The following CYLD variants were observed in gnomAD, a reference collection of about 807,000 sequenced individuals.
The protein encoded by CYLD is ubiquitin carboxyl-terminal hydrolase CYLD.
A neutral mutation model predicts 104.5 loss-of-function variants in CYLD; 26 were observed. That is an observed-to-expected ratio of 0.25 (90% CI 0.18 to 0.35). The LOEUF (loss-of-function observed/expected upper bound fraction) is 0.35. CYLD is among the 10% of genes least tolerant of loss of function. The pLI, the probability that CYLD is intolerant of heterozygous loss-of-function variation, is 1.00. For missense variants in CYLD, 703 were observed against 1,136.1 expected (o/e 0.62, Z 5.48); for synonymous variants, 385 against 399.9 (o/e 0.96, Z 0.45).
intron 5 of CYLD, among the ~76,000 whole-genome samples, chr16:50,755,076 CAT>C (rs1966947308): frequency 9.4e-6 from 1 of 106,694 alleles, no homozygotes; most frequent in African/African-American, 3.6e-5. Flanking sequence ...GATATGTATA[CAT>C]ATACACACAT....
At chr16:50,753,204 T>C (rs370996368) in intron 4 of CYLD, among the ~76,000 whole-genome samples, 2 of 152,094 alleles carry the variant, frequency 1.3e-5, no homozygotes, top group East Asian at 3.9e-4. Flanking sequence ...AGAACCAGAG[T>C]AAAACATGTA....
intron 3 of CYLD, among the ~76,000 whole-genome samples, chr16:50,751,309 A>G (rs146016477): frequency 6.6e-6 from 1 of 152,320 alleles, no homozygotes; most frequent in East Asian, 1.9e-4. Flanking sequence ...TTAAAGTAAC[A>G]TTTTCTTTTT....
chr16:50,760,627 T>C (rs1967798512), intron 5 of CYLD, among the ~76,000 whole-genome samples: 1 of 152,218 alleles, frequency 6.6e-6, no homozygotes, highest in Non-Finnish European at 1.5e-5. Flanking sequence ...ACAGAGGTTC[T>C]TGTTTTTTAT....
intron 5 of CYLD, among the ~76,000 whole-genome samples, chr16:50,771,018 A>C (rs1053891719): frequency 1.3e-5 from 2 of 152,154 alleles, no homozygotes; most frequent in Admixed American, 1.3e-4. Context: ...TTTTGTGTCA[A>C]GTTCGACAAC....
chr16:50,798,614 G>GAA lies in CYLD; in HGVS notation c.*2121_*2122dup, dbSNP rs74757288. The GAA allele has an allele frequency of 4.5e-4, 93 of 205,770 alleles. No individual in the cohort carries two copies. The highest frequency in any genetic ancestry group is 6.5e-4 in the East Asian group (10 of 15,274). The allele number at this position is 205,770 out of a possible 1,614,324, so 12.7% of individuals were successfully genotyped here. Reference sequence around the variant, plus strand: ...TAGGTAAGACTGGATTTAACAGTTGGAAAAAAAAAAAAAAAAGGAGAGAGA... The same window carrying GAA: ...TAGGTAAGACTGGATTTAACAGTTGGAAAAAAAAAAAAAAAAAAGGAGAGAGA... On this transcript the variant is annotated 3_prime_UTR_variant, in exon 19 of 19. Coordinates refer to ENST00000427738, the MANE Select transcript of CYLD (RefSeq NM_001378743.1).
At chr16:50,789,072 T>G (rs1971157140) in intron 14 of CYLD, among the ~76,000 whole-genome samples, 1 of 152,206 alleles carries the variant, frequency 6.6e-6, no homozygotes, top group South Asian at 2.1e-4. Flanking sequence ...TGAAGAATGC[T>G]TTTAAAATAG....
At chr16:50,743,072 T>G (rs1965861986) in intron 2 of CYLD, among the ~76,000 whole-genome samples, 1 of 152,092 alleles carries the variant, frequency 6.6e-6, no homozygotes, top group Non-Finnish European at 1.5e-5. Flanking sequence ...GGCCTTGCAG[T>G]CTCCCAGCCC....
chr16:50,761,775 T>TATCTATCTATCTATCTATCTATCA (rs1348271485), intron 5 of CYLD, among the ~76,000 whole-genome samples: 14 of 152,146 alleles, frequency 9.2e-5, no homozygotes, highest in African/African-American at 3.1e-4. Flanking sequence ...TCTATCTATC[T>TATCTATCTATCTATCTATCTATCA]ATATCTTTGA....
intron 5 of CYLD, among the ~76,000 whole-genome samples, chr16:50,759,591 C>A (rs1053021336): frequency 6.6e-6 from 1 of 152,112 alleles, no homozygotes; most frequent in Non-Finnish European, 1.5e-5. Context: ...TTTTGAGATT[C>A]TTTTCTGTGG....
Position 50,796,551 on chromosome 16 carries a change from T to C in CYLD, c.*43T>C. The C allele has an allele frequency of 6.3e-7, 1 of 1,589,084 alleles. No homozygotes were observed. Among genetic ancestry groups the C allele is most frequent in the Non-Finnish European group, 8.6e-7 (1 of 1,163,648 alleles). On this transcript the variant is annotated 3_prime_UTR_variant, in exon 19 of 19. Coordinates refer to ENST00000427738, the MANE Select transcript of CYLD (RefSeq NM_001378743.1). ...GGCAAAGAAACTGAAGGCAGAGTCCTAACGTTGCATCTTATTCGAGCTGGC... is the reference window on the plus strand; with the variant it reads ...GGCAAAGAAACTGAAGGCAGAGTCCCAACGTTGCATCTTATTCGAGCTGGC...
intron 5 of CYLD, among the ~76,000 whole-genome samples, chr16:50,763,698 C>G (rs186646359): frequency 6.6e-6 from 1 of 152,258 alleles, no homozygotes; most frequent in Non-Finnish European, 1.5e-5. Flanking sequence ...CACATAATAA[C>G]AGTTTTGCCT....
rs759126135 is a variant in CYLD, at chr16:50,796,364, C to T, written c.2727C>T (p.Cys909=). Residue 909 remains cysteine, a synonymous_variant, in exon 19 of 19, where the codon TGC becomes TGT. Transcript: ENST00000427738. ...TCAACATTCCTCAAGTCACCCCATG[C>T]CCAGAAGTAGGAGAGTACTTGAAGA... The part of the protein sequence containing the change: ...NGFNIPQVTP[C]PEVGEYLKMS... 1 of 1,614,112 alleles carries T rather than the reference C, an allele frequency of 6.2e-7. No homozygotes were observed.
intron 2 of CYLD, among the ~76,000 whole-genome samples, chr16:50,743,754 A>G (rs1245146617): frequency 6.6e-6 from 1 of 152,224 alleles, no homozygotes; most frequent in Non-Finnish European, 1.5e-5. Flanking sequence ...GGCTGTAGGA[A>G]GCTAGTATCA....
intron 12 of CYLD, 95 bp downstream of exon 12, chr16:50,784,546 TAA>T: frequency 7.7e-7 from 1 of 1,303,396 alleles, no homozygotes. Context: ...CTTCATGTAA[TAA>T]GAGATGGGTG....
rs1053929228 is a variant in CYLD at position 50,799,075 on chromosome 16, G to A, written c.*2567G>A. 3.0e-5 allele frequency: 7 copies of A among 233,282 alleles called. No individual in the cohort carries two copies. The highest frequency in any genetic ancestry group is 1.5e-4 in the African/African-American group (7 of 45,328). 14.5% of individuals were successfully genotyped at this position (233,282 alleles called of 1,614,324 possible). ...TGGGGCTGGGCTGCATGGCACAGGG[G>A]CTTATGTGCCTGCTGGTTATTTAAT... On this transcript the variant is annotated 3_prime_UTR_variant, in exon 19 of 19. Transcript: ENST00000427738.
At chr16:50,787,978 G>T in intron 14 of CYLD, 126 bp downstream of exon 14, 1 of 595,202 alleles carries the variant, frequency 1.7e-6, no homozygotes, top group Non-Finnish European at 3.0e-6. Flanking sequence ...CTCTTAATAG[G>T]CTAGGGGAAT....
intron 3 of CYLD, among the ~76,000 whole-genome samples, chr16:50,750,657 C>A (rs1429359385): frequency 6.6e-6 from 1 of 152,098 alleles, no homozygotes; most frequent in Non-Finnish European, 1.5e-5. Context: ...ATGGTAGGAA[C>A]ATACAAAGAG....
At chr16:50,754,988 CATATATAT>C (rs1966872166) in intron 5 of CYLD, among the ~76,000 whole-genome samples, 5 of 27,584 alleles carry the variant, frequency 1.8e-4, no homozygotes, top group African/African-American at 8.1e-4. Context: ...TACATATATA[CATATATAT>C]GTATATATAC....
In CYLD at chr16:50,798,254, C is replaced by G. The variant is rs886052057; in HGVS notation, c.*1746C>G. The G allele has an allele frequency of 8.6e-6, 2 of 231,958 alleles. No individual in the cohort carries two copies. The highest frequency in any genetic ancestry group is 1.7e-5 in the Non-Finnish European group (2 of 117,338). The allele number at this position is 231,958 out of a possible 1,614,324, so 14.4% of individuals were successfully genotyped here. A position where few individuals can be genotyped will look rare whatever the true frequency, so the allele number is the denominator to read the frequency against. On this transcript the variant is annotated 3_prime_UTR_variant, in exon 19 of 19. Transcript: ENST00000427738. ...TAGGAATCTAAATGAAGCCAGCCCT[C>G]GGTATCTGCAGGTTTCTCATCCATG...
Sources: allele counts gnomAD v4.1 joint callset (sites outside exome capture counted in the v4.1 genomes callset), GRCh38; gene constraint gnomAD v4.1.1; transcripts MANE v1.5; gene names NCBI Gene and HGNC (gene_info 2026-07-23, HGNC 2026-07-21).